Variants in CEBPZ observed in about 807,000 individuals in gnomAD.
CEBPZ encodes the protein CCAAT/enhancer-binding protein zeta.
A neutral mutation model predicts 104.5 loss-of-function variants in CEBPZ; 78 were observed. The observed-to-expected ratio is 0.75, with a 90% CI of 0.62 to 0.90. The LOEUF is 0.90. Among genes scored for constraint, CEBPZ ranks in the 40% least tolerant of loss-of-function variants. CEBPZ has a pLI of 0.00. For synonymous variants in CEBPZ, 470 were observed against 427.0 expected (o/e 1.10, Z -1.24); for missense variants, 1,439 against 1,233.5 (o/e 1.17, Z -2.50).
At chr2:37,220,309 CTG>C (rs1664740162) in intron 5 of CEBPZ, 74 bp downstream of exon 5, 2 of 374,588 alleles carry the variant, frequency 5.3e-6, no homozygotes, top group Non-Finnish European at 8.5e-6. Flanking sequence ...GAGGAAGACT[CTG>C]TCTCAAAAAA....
At position 37,228,090 on chromosome 2, in the gene CEBPZ, A is replaced by C. The variant is rs1038588841; in HGVS notation, c.1103T>G (p.Val368Gly). The part of the protein sequence containing the change: ...LVTTKTRALT[V>G]AHELLCNKPE... ...CTTGTTACAAAGCAGCTCATGAGCC[A>C]CGGTAAGGGCTCGAGTTTTAGTGGT... The change falls in exon 2 of 16, where the codon GTG becomes GGG. Residue 368 changes from valine to glycine, a missense_variant. Transcript: ENST00000234170. 1.2e-6 allele frequency: 2 copies of C among 1,614,104 alleles called. No individual in the cohort carries two copies. The highest frequency in any genetic ancestry group is 8.5e-7 in the Non-Finnish European group (1 of 1,180,036).
chr2:37,228,058 C>A lies in CEBPZ; in HGVS notation c.1135G>T (p.Glu379Ter). Residue 379 changes from glutamate to a stop codon, truncating the protein, a stop_gained, in exon 2 of 16, where the codon GAA becomes TAA. Transcript: ENST00000234170. LOFTEE classifies it high-confidence loss of function. ...ACTTGCACAAGAAGAGCCTTTTCTT[C>A]CTCAGGCTTGTTACAAAGCAGCTCA... ...AHELLCNKPE[E>*]EKALLVQVVN... The A allele has an allele frequency of 1.2e-6, 2 of 1,614,178 alleles. No homozygotes were observed. Among genetic ancestry groups the A allele is most frequent in the Middle Eastern group, 1.6e-4 (1 of 6,062 alleles).
rs35905937 is a variant in CEBPZ at position 37,231,511 on chromosome 2, C to G, written c.57G>C (p.Glu19Asp). 4.2e-4 allele frequency: 673 copies of G among 1,614,244 alleles called. 2 individuals carry two copies. The African/African-American group carries it at 8.0e-3, about 19-fold the overall frequency. ...EFHAKRPWRP[E>D]EAVEDPDEED... Reference sequence around the variant, plus strand: ...CCTCGTCCGGATCTTCTACTGCCTCCTCGGGGCGCCAAGGCCGCTTGGCAT... The same window carrying G: ...CCTCGTCCGGATCTTCTACTGCCTCGTCGGGGCGCCAAGGCCGCTTGGCAT... Residue 19 changes from glutamate to aspartate, a missense_variant, in exon 1 of 16, where the codon GAG (glutamate) becomes GAC (aspartate). By Grantham distance (45) the Glu-to-Asp change is conservative. Coordinates refer to ENST00000234170, the MANE Select transcript of CEBPZ (RefSeq NM_005760.3).
chr2:37,228,791 T>C lies in CEBPZ; in HGVS notation c.402A>G (p.Thr134=), dbSNP rs1177812329. 6.2e-7 allele frequency: 1 copy of C among 1,612,378 alleles called. No individual in the cohort carries two copies. The highest frequency in any genetic ancestry group is 8.5e-7 in the Non-Finnish European group (1 of 1,179,540). ...NNKNTAESQR[T]SVNKVKNKNR... ...TCTTATTTTTCACCTTATTAACTGA[T>C]GTCCTTTGACTTTCTGCTGTATTTT... The change falls in exon 2 of 16, where the codon ACA becomes ACG. Residue 134 remains threonine (T), a synonymous_variant. Coordinates refer to ENST00000234170, the MANE Select transcript of CEBPZ (RefSeq NM_005760.3).
At chr2:37,222,676 A>C in intron 3 of CEBPZ, 113 bp from the exon 4 acceptor site, 1 of 675,272 alleles carries the variant, frequency 1.5e-6, no homozygotes, top group Non-Finnish European at 2.3e-6. Flanking sequence ...GTGAAACGTG[A>C]AAGTTCTAAT....
chr2:37,231,554 T>C lies in CEBPZ; in HGVS notation c.14A>G (p.Lys5Arg). The C allele has an allele frequency of 6.2e-7, 1 of 1,614,230 alleles. No individual in the cohort carries two copies. Among genetic ancestry groups the C allele is most frequent in the Middle Eastern group, 1.6e-4 (1 of 6,062 alleles). ...CTTGGCATGGAACTCCAAAGGCTCCTTGACTGCGGCCATGGCGGGCAAAGC... is the reference window on the plus strand; with the variant it reads ...CTTGGCATGGAACTCCAAAGGCTCCCTGACTGCGGCCATGGCGGGCAAAGC... MAAV[K>R]EPLEFHAKRP... Residue 5 changes from lysine (K) to arginine (R), a missense_variant, in exon 1 of 16, where the codon AAG becomes AGG. Coordinates refer to ENST00000234170, the MANE Select transcript of CEBPZ (RefSeq NM_005760.3).
Position 37,228,844 on chromosome 2 carries a change from C to CT in CEBPZ, c.348dup (p.Glu117ArgfsTer6), listed in dbSNP as rs1664958435. On this transcript the variant is annotated frameshift_variant, in exon 2 of 16. Transcript: ENST00000234170. LOFTEE classifies it high-confidence loss of function. ...TTATTTATTTTAGGTATTTTTACTT[C>CT]TTTTTTGCTGGAATTTTCTTTTTCA... The CT allele has an allele frequency of 6.2e-7, 1 of 1,600,252 alleles. No individual in the cohort carries two copies. Among genetic ancestry groups the CT allele is most frequent in the Non-Finnish European group, 8.5e-7 (1 of 1,176,214 alleles).
chr2:37,230,497 A>C (rs1294764047), intron 1 of CEBPZ, among the ~76,000 whole-genome samples: 1 of 152,220 alleles, frequency 6.6e-6, no homozygotes, highest in East Asian at 1.9e-4. Flanking sequence ...TTAAATATAC[A>C]CAAGCACAGA....
At chr2:37,214,701 T>C (rs1677827031) in intron 9 of CEBPZ, among the ~76,000 whole-genome samples, 185 bp downstream of exon 9, 1 of 152,186 alleles carries the variant, frequency 6.6e-6, no homozygotes, top group Non-Finnish European at 1.5e-5. Flanking sequence ...CAAAATATGC[T>C]GATTAGATTT....
Position 37,228,613 on chromosome 2 carries a change from AAGAATATTCATT to A in CEBPZ, c.568_579del (p.Asn190_Ser193del). On this transcript the variant is annotated inframe_deletion, in exon 2 of 16. Coordinates refer to ENST00000234170, the MANE Select transcript of CEBPZ (RefSeq NM_005760.3). ...ACAACATCCTGAGGCTGGGGTTTCA[AAGAATATTCATT>A]GCTGTACTCCAGATCATACCATTTG... 6.2e-7 allele frequency: 1 copy of A among 1,614,188 alleles called. No homozygotes were observed. Among genetic ancestry groups the A allele is most frequent in the Non-Finnish European group, 8.5e-7 (1 of 1,180,040 alleles).
At chr2:37,224,063 G>C (rs1157275423) in intron 2 of CEBPZ, among the ~76,000 whole-genome samples, 1 of 152,170 alleles carries the variant, frequency 6.6e-6, no homozygotes, top group East Asian at 1.9e-4. Context: ...TCACAAACTT[G>C]ATTTTCCTGC....
rs370973266 is a variant in CEBPZ at position 37,211,971 on chromosome 2, T to C, written c.2672A>G (p.Asp891Gly). Residue 891 changes from aspartate to glycine, a missense_variant, in exon 12 of 16, where the codon GAT (aspartate) becomes GGT (glycine). By Grantham distance (94) the Asp-to-Gly change is moderately conservative. Coordinates refer to ENST00000234170, the MANE Select transcript of CEBPZ (RefSeq NM_005760.3). ...TLDEDSEGSD[D>G]ELGNLDDDEV... ...ATCGTCATCCAGGTTACCAAGTTCA[T>C]CATCACTACCTTCTGAATCTTCATC... 4 of 1,613,614 alleles carry C rather than the reference T, an allele frequency of 2.5e-6. No individual in the cohort carries two copies. Among genetic ancestry groups the C allele is most frequent in the East Asian group, 2.2e-5 (1 of 44,844 alleles).
chr2:37,206,252 T>C (rs997390854), intron 13 of CEBPZ, among the ~76,000 whole-genome samples: 1 of 152,212 alleles, frequency 6.6e-6, no homozygotes, highest in African/African-American at 2.4e-5. Context: ...TTAAAAGGTA[T>C]CCAACAAAAC....
At chr2:37,206,498 T>A (rs1480736879) in intron 13 of CEBPZ, among the ~76,000 whole-genome samples, 1 of 152,192 alleles carries the variant, frequency 6.6e-6, no homozygotes, top group Non-Finnish European at 1.5e-5. Context: ...GCTGGGATTA[T>A]AGGGGCTTAC....
intron 13 of CEBPZ, chr2:37,203,402 G>C (rs571838090): frequency 2.5e-4 from 38 of 153,844 alleles, no homozygotes; most frequent in Non-Finnish European, 5.3e-4. Flanking sequence ...GAAATTGACT[G>C]AAAGTATGTT....
intron 8 of CEBPZ, 58 bp from the exon 9 acceptor site, chr2:37,215,010 A>C (rs1677834192): frequency 9.1e-7 from 1 of 1,101,708 alleles, no homozygotes; most frequent in African/African-American, 1.5e-5. Context: ...TATGTTACTC[A>C]AGCTCTTAAG....
chr2:37,214,631 T>A (rs1399882428), intron 9 of CEBPZ, among the ~76,000 whole-genome samples: 1 of 152,190 alleles, frequency 6.6e-6, no homozygotes. Flanking sequence ...ATATTAAGAT[T>A]AGCAAAATGA....
intron 5 of CEBPZ, among the ~76,000 whole-genome samples, chr2:37,217,993 C>T (rs185454983): frequency 6.6e-6 from 1 of 151,374 alleles, no homozygotes; most frequent in African/African-American, 2.4e-5. Flanking sequence ...TGCAGCCAGG[C>T]GAGGTGGCTC....
intron 13 of CEBPZ, chr2:37,203,959 A>G (rs1035332455): frequency 6.6e-6 from 1 of 152,142 alleles, no homozygotes; most frequent in African/African-American, 2.4e-5. Flanking sequence ...GGTTTTGTCT[A>G]CTTTTTGGCA....
Sources: gnomAD v4.1 joint callset for allele counts (sites outside exome capture counted in the v4.1 genomes callset) on GRCh38, gnomAD v4.1.1 for gene constraint, MANE v1.5 for transcripts, NCBI Gene and HGNC (gene_info 2026-07-23, HGNC 2026-07-21) for gene names.